The following CDH3 variants were observed in gnomAD, a reference collection of about 807,000 sequenced individuals.
The protein encoded by CDH3 is cadherin 3.
In CDH3, 54 loss-of-function variants were observed where a neutral mutation model predicts 82.0. The ratio of observed to expected loss-of-function variants is 0.66; its 90% CI spans 0.53 to 0.83. The LOEUF (loss-of-function observed/expected upper bound fraction) is 0.83, where lower values mean the gene tolerates loss of function less well. Among genes scored for constraint, CDH3 ranks in the 40% least tolerant of loss-of-function variants. CDH3 has a pLI of 0.00. For missense variants in CDH3, 1,054 were observed against 1,084.6 expected, an observed-to-expected ratio of 0.97 and a Z score of 0.40; for synonymous variants, 446 against 437.9, an observed-to-expected ratio of 1.02 and a Z score of -0.23.
At chr16:68,695,641 G>A (rs1961698346) in intron 14 of CDH3, 136 bp from the exon 15 acceptor site, 2 of 1,078,960 alleles carry the variant, frequency 1.9e-6, no homozygotes, top group Admixed American at 3.9e-5. Context: ...TCCAAAATCT[G>A]TGACATCATC....
rs376448699 is a variant in CDH3, at chr16:68,723,994, G to T, written c.*45+1378G>T. ...TGAGGCAGGAGAATGGCGTGAACCC[G>T]GGAGGCGGAGCTTGCAGTGAGCCGA... On this transcript the variant is annotated intron_variant, in intron 2 of 2. Transcript: ENST00000569080. Among the ~76,000 whole-genome samples the T allele has an allele frequency of 1.3e-4, 19 of 150,260 alleles. 1 individual carries two copies. The highest frequency in any genetic ancestry group is 4.4e-4 in the African/African-American group (18 of 40,686).
intron 2 of CDH3, among the ~76,000 whole-genome samples, chr16:68,669,583 C>T (rs1960830378): frequency 7.3e-6 from 1 of 137,350 alleles, no homozygotes; most frequent in African/African-American, 2.7e-5. Flanking sequence ...TTGTAGACAG[C>T]GGGAAGAGGA....
intron 8 of CDH3, among the ~76,000 whole-genome samples, chr16:68,682,045 G>A (rs955593711): frequency 5.9e-5 from 9 of 152,124 alleles, no homozygotes; most frequent in African/African-American, 1.4e-4. Flanking sequence ...ATGCAAACCC[G>A]TGAGATTTCT....
chr16:68,725,479 G>T (rs1235908750), intron 2 of CDH3, among the ~76,000 whole-genome samples: 4 of 151,766 alleles, frequency 2.6e-5, no homozygotes, highest in Non-Finnish European at 5.9e-5. Flanking sequence ...GACTACAGGC[G>T]CCCGCCACCA....
At chr16:68,684,340 C>T (rs1001918332) in intron 9 of CDH3, among the ~76,000 whole-genome samples, 2 of 152,180 alleles carry the variant, frequency 1.3e-5, no homozygotes, top group Non-Finnish European at 2.9e-5. Context: ...CACCACCACT[C>T]CACTGGGAAC....
In CDH3 at chr16:68,657,658, C is replaced by T. The variant is rs200493746; in HGVS notation, c.160+11908C>T. Among the ~76,000 whole-genome samples the T allele has an allele frequency of 4.6e-3, 702 of 152,298 alleles. 4 individuals carry two copies. Among genetic ancestry groups the T allele is most frequent in the Non-Finnish European group, 8.3e-3 (564 of 68,022 alleles). On this transcript the variant is annotated intron_variant, in intron 2 of 15. Coordinates refer to ENST00000264012, the MANE Select transcript of CDH3 (RefSeq NM_001793.6). ...GGAGGGCTGGTGGGCTGCCTCCCTT[C>T]GTGAGAGCCTCTCCAGGTGCTACTG...
chr16:68,701,499 G>A (rs1961893005), downstream of CDH3, among the ~76,000 whole-genome samples: 1 of 151,542 alleles, frequency 6.6e-6, no homozygotes, highest in African/African-American at 2.4e-5. Flanking sequence ...TCAACACTTT[G>A]GTGTGCCTCC....
chr16:68,654,736 T>A (rs1157130330), intron 2 of CDH3, among the ~76,000 whole-genome samples: 6 of 141,424 alleles, frequency 4.2e-5, no homozygotes, highest in African/African-American at 7.7e-5. Flanking sequence ...ATATATATAT[T>A]TATTTTTAAA....
At chr16:68,712,070 C>T (rs1172929222) in intron 1 of CDH3, among the ~76,000 whole-genome samples, 8 of 129,464 alleles carry the variant, frequency 6.2e-5, no homozygotes, top group African/African-American at 2.0e-4. Flanking sequence ...CAGACTCTCG[C>T]GATGTCACCC....
At position 68,700,067 on chromosome 16, in the gene CDH3, A is replaced by C. The variant is rs1262785124; in HGVS notation, c.*1667A>C. On this transcript the variant is annotated 3_prime_UTR_variant, in exon 16 of 16. Transcript: ENST00000264012. ...TGACATCTGGTCATCATCGAAATCA[A>C]GCAAAACAAAATTAAGAGAACCTAC... 1 of 152,172 alleles carries C rather than the reference A, an allele frequency of 6.6e-6. No individual in the cohort carries two copies. Among genetic ancestry groups the C allele is most frequent in the Non-Finnish European group, 1.5e-5 (1 of 68,034 alleles). 9.4% of individuals were successfully genotyped at this position (152,172 alleles called of 1,614,324 possible).
In CDH3 at chr16:68,691,856, C is replaced by T. The variant is rs750805163; in HGVS notation, c.1932C>T (p.Val644=). 6.8e-6 allele frequency: 11 copies of T among 1,613,962 alleles called. No individual in the cohort carries two copies. The highest frequency in any genetic ancestry group is 2.7e-5 in the African/African-American group (2 of 74,908). ...CTGTGTGCGACTGCCATGGCCATGT[C>T]GAAACCTGCCCTGGACCCTGGAAGG... is the stretch of plus-strand genomic sequence containing the variant. ...RATVCDCHGH[V]ETCPGPWKGG... is the part of the protein sequence containing the mutation. The change falls in exon 13 of 16, where the codon GTC becomes GTT. Residue 644 remains valine (V), a synonymous_variant. Transcript: ENST00000264012.
exon 3 of CDH3, among the ~76,000 whole-genome samples, chr16:68,727,330 C>T (rs9923379): frequency 0.048 from 7,338 of 152,222 alleles, 580 homozygotes; most frequent in African/African-American, 0.16. Context: ...ATGGCTTATC[C>T]TAGGACTTCT....
At chr16:68,714,475 T>C (rs1962069136) in intron 1 of CDH3, among the ~76,000 whole-genome samples, 1 of 152,234 alleles carries the variant, frequency 6.6e-6, no homozygotes, top group Admixed American at 6.5e-5. Flanking sequence ...GCTTAGTTCC[T>C]GCCAAAATGT....
Position 68,698,172 on chromosome 16 carries a change from C to T in CDH3, c.2281-19C>T, listed in dbSNP as rs2152107916. 1.9e-6 allele frequency: 3 copies of T among 1,613,614 alleles called. No homozygotes were observed. The highest frequency in any genetic ancestry group is 2.5e-6 in the Non-Finnish European group (3 of 1,179,522). ...GGCAGGACCCGCCGCTCCTAACTACCTGTTCTCTGTTGCCGCAGAACCTGA... is the reference window on the plus strand; with the variant it reads ...GGCAGGACCCGCCGCTCCTAACTACTTGTTCTCTGTTGCCGCAGAACCTGA... On this transcript the variant is annotated intron_variant, in intron 15 of 15. Coordinates refer to ENST00000264012, the MANE Select transcript of CDH3 (RefSeq NM_001793.6).
intron 2 of CDH3, among the ~76,000 whole-genome samples, chr16:68,662,974 T>A (rs1338047916): frequency 6.8e-6 from 1 of 146,794 alleles, no homozygotes; most frequent in African/African-American, 2.5e-5. Context: ...GTTCAAGCTA[T>A]TCTCCTGCTT....
chr16:68,702,448 G>A (rs554397828), downstream of CDH3, among the ~76,000 whole-genome samples: 1 of 152,268 alleles, frequency 6.6e-6, no homozygotes, highest in African/African-American at 2.4e-5. Context: ...GGGCTTCCTT[G>A]AATGTGGGGT....
chr16:68,646,227 C>G (rs1960057515), intron 2 of CDH3: 1 of 173,616 alleles, frequency 5.8e-6, no homozygotes, highest in South Asian at 1.5e-4. Flanking sequence ...GCTTCCCTAC[C>G]CCGCCCCCCT....
chr16:68,705,295 G>C (rs555593983), intron 1 of CDH3, among the ~76,000 whole-genome samples: 1 of 152,228 alleles, frequency 6.6e-6, no homozygotes, highest in African/African-American at 2.4e-5. Context: ...CTGAGACTCT[G>C]TAGCCCTGAA....
chr16:68,670,133 AGAATGACGT>A (rs990610528), intron 2 of CDH3, among the ~76,000 whole-genome samples: 6 of 150,072 alleles, frequency 4.0e-5, no homozygotes, highest in African/African-American at 1.5e-4. Context: ...CTGAGGCAGG[AGAATGACGT>A]GAACCTAGAA....
Sources: gnomAD v4.1 joint callset for allele counts (sites outside exome capture counted in the v4.1 genomes callset) on GRCh38, gnomAD v4.1.1 for gene constraint, MANE v1.5 for transcripts, NCBI Gene and HGNC (gene_info 2026-07-23, HGNC 2026-07-21) for gene names.